Variants in ASAP3 observed in about 807,000 individuals in gnomAD.
ASAP3 encodes ArfGAP with SH3 domain, ankyrin repeat and PH domain 3, also known as arf-GAP with SH3 domain, ANK repeat and PH domain-containing protein 3.
A neutral mutation model predicts 118.2 loss-of-function variants in ASAP3; 85 were observed. The observed-to-expected ratio is 0.72, with a 90% confidence interval of 0.60 to 0.86. The LOEUF is 0.86. Ranked by LOEUF, ASAP3 falls within the 40% of genes least tolerant of loss-of-function variation. The probability of loss-of-function intolerance (pLI) is 0.00; values close to 1 mark genes in which losing one functional copy is unlikely to be tolerated. For synonymous variants in ASAP3, 432 were observed against 477.4 expected, an observed-to-expected ratio of 0.90 and a Z score of 1.24; for missense variants, 1,026 against 1,175.0, an observed-to-expected ratio of 0.87 and a Z score of 1.85.
At chr1:23,442,079 A>G in intron 7 of ASAP3, 107 bp downstream of exon 7, 1 of 1,242,096 alleles carries the variant, frequency 8.1e-7, no homozygotes, top group South Asian at 1.3e-5. Context: ...AGTTCTGCCA[A>G]AAAGATGCAG....
At chr1:23,478,274 G>A (rs1434256472) in intron 1 of ASAP3, among the ~76,000 whole-genome samples, 1 of 152,144 alleles carries the variant, frequency 6.6e-6, no homozygotes, top group African/African-American at 2.4e-5. Flanking sequence ...AGACAAGCCT[G>A]GCCAACATGG....
chr1:23,473,523 C>A (rs975298504), intron 1 of ASAP3, among the ~76,000 whole-genome samples: 1 of 152,186 alleles, frequency 6.6e-6, no homozygotes, highest in Non-Finnish European at 1.5e-5. Context: ...ATCGAAGGGA[C>A]CTTCTAGCAG....
intron 5 of ASAP3, among the ~76,000 whole-genome samples, chr1:23,450,249 A>G (rs1480532725): frequency 6.6e-6 from 1 of 152,184 alleles, no homozygotes; most frequent in Non-Finnish European, 1.5e-5. Context: ...CTGCAAAAAT[A>G]ATTATGAGTA....
chr1:23,450,923 C>T (rs1641194081), intron 5 of ASAP3, among the ~76,000 whole-genome samples: 1 of 152,196 alleles, frequency 6.6e-6, no homozygotes, highest in Non-Finnish European at 1.5e-5. Flanking sequence ...CTTCTTTCCC[C>T]ATGATGTCCC....
intron 23 of ASAP3, 122 bp from the exon 24 acceptor site, chr1:23,431,247 C>T: frequency 1.0e-6 from 1 of 979,710 alleles, no homozygotes; most frequent in South Asian, 1.5e-5. Context: ...GTCCACAAGG[C>T]CCCCAGGCCA....
At chr1:23,478,348 C>T (rs971364948) in intron 1 of ASAP3, among the ~76,000 whole-genome samples, 4 of 152,110 alleles carry the variant, frequency 2.6e-5, no homozygotes, top group African/African-American at 9.7e-5. Context: ...GCCTGTAATC[C>T]CAGCTACTCG....
chr1:23,439,711 T>A (rs1011967972), intron 10 of ASAP3, among the ~76,000 whole-genome samples: 1 of 151,476 alleles, frequency 6.6e-6, no homozygotes, highest in Non-Finnish European at 1.5e-5. Flanking sequence ...TAAATATTCA[T>A]TGGTTTCTTC....
At position 23,442,714 on chromosome 1, in the gene ASAP3, C is replaced by T; in HGVS notation, c.474-102G>A. On this transcript the variant is annotated intron_variant, in intron 5 of 24. Transcript: ENST00000336689. Reference sequence around the variant, plus strand: ...AAGGGGCCACATGGTGCAGGAGGCCCTCCTGTGCCAGCTGTGTGGTGGGGC... The same window carrying T: ...AAGGGGCCACATGGTGCAGGAGGCCTTCCTGTGCCAGCTGTGTGGTGGGGC... 6.0e-6 allele frequency: 9 copies of T among 1,496,882 alleles called. 1 individual carries two copies. The South Asian group carries it at 1.2e-4, about 19-fold the overall frequency. 92.7% of individuals were successfully genotyped at this position (1,496,882 alleles called of 1,614,324 possible).
rs369040889 is a variant in ASAP3 at position 23,433,609 on chromosome 1, C to A, written c.2019+17G>T. 1.9e-6 allele frequency: 3 copies of A among 1,614,212 alleles called. No individual in the cohort carries two copies. The highest frequency in any genetic ancestry group is 2.5e-6 in the Non-Finnish European group (3 of 1,180,024). ...GAGAGAAAGAGTCAGGGGCCCCTTGCCTCCCCGAGTCCTCACCAGCTCCTC... is the reference window on the plus strand; with the variant it reads ...GAGAGAAAGAGTCAGGGGCCCCTTGACTCCCCGAGTCCTCACCAGCTCCTC... On this transcript the variant is annotated intron_variant, in intron 20 of 24. Coordinates refer to ENST00000336689, the MANE Select transcript of ASAP3 (RefSeq NM_017707.4).
chr1:23,474,384 G>A (rs188909213), intron 1 of ASAP3, among the ~76,000 whole-genome samples: 3 of 151,906 alleles, frequency 2.0e-5, no homozygotes, highest in Non-Finnish European at 4.4e-5. Context: ...CCTTCTCCTC[G>A]GAACACTTCT....
intron 24 of ASAP3, among the ~76,000 whole-genome samples, chr1:23,430,763 G>A (rs779030133): frequency 3.3e-5 from 5 of 152,182 alleles, no homozygotes; most frequent in Non-Finnish European, 5.9e-5. Context: ...CATGGAAAGA[G>A]GAGCACCAGG....
In ASAP3 at chr1:23,436,868, T is replaced by A. The variant is rs760664579; in HGVS notation, c.1476+43A>T. 28 of 1,503,048 alleles carry A rather than the reference T, an allele frequency of 1.9e-5. No homozygotes were observed. Among genetic ancestry groups the A allele is most frequent in the Non-Finnish European group, 2.5e-5 (28 of 1,116,738 alleles). 93.1% of individuals were successfully genotyped at this position (1,503,048 alleles called of 1,614,324 possible). ...CCGCCCCCGGATGAAACTACACCCC[T>A]AACTCCGCTTCTGGCCCCTTCCAGG... On this transcript the variant is annotated intron_variant, in intron 15 of 24. Coordinates refer to ENST00000336689, the MANE Select transcript of ASAP3 (RefSeq NM_017707.4). The surrounding 1 kb of genome is among the most constrained non-coding windows in gnomAD (Gnocchi z 4.2).
rs535143098 is a variant in ASAP3 at position 23,479,360 on chromosome 1, G to C, written c.129+4645C>G. ...TCCCAGCCTCCAGTTCCAGGCCCTG[G>C]AGAGGTGTACTTTTACCTCCGGCTC... On this transcript the variant is annotated intron_variant, in intron 1 of 24. Transcript: ENST00000336689. Among the ~76,000 whole-genome samples, 27 of 152,266 alleles carry C rather than the reference G, an allele frequency of 1.8e-4. No homozygotes were observed. The South Asian group carries it at 2.9e-3, about 16-fold the overall frequency.
chr1:23,484,044 C>G lies in ASAP3; in HGVS notation c.90G>C (p.Lys30Asn), dbSNP rs1642406320. 2 of 1,341,658 alleles carry G rather than the reference C, an allele frequency of 1.5e-6. No homozygotes were observed. The highest frequency in any genetic ancestry group is 1.9e-6 in the Non-Finnish European group (2 of 1,048,248). The allele number at this position is 1,341,658 out of a possible 1,614,324, so 83.1% of individuals were successfully genotyped here. The change falls in exon 1 of 25, where the codon AAG (lysine) becomes AAC (asparagine). Residue 30 changes from lysine to asparagine, a missense_variant. Transcript: ENST00000336689. Reference protein sequence around the residue: ...SPAGAAAFAAKMPRYRGAALA... With the variant: ...SPAGAAAFAANMPRYRGAALA... ...GCGCCGCCCCTCGGTACCGGGGCAT[C>G]TTGGCGGCGAAGGCGGCGGCCCCAG...
chr1:23,476,252 A>T (rs1034853841), intron 1 of ASAP3, among the ~76,000 whole-genome samples: 1 of 152,020 alleles, frequency 6.6e-6, no homozygotes, highest in Admixed American at 6.6e-5. Context: ...AGGCTGAGGC[A>T]GGAGAATCGC....
rs1343837442 is a variant in ASAP3 at position 23,433,202 on chromosome 1, T to C, written c.2198A>G (p.Tyr733Cys). ...TGCTCCCAGGCTGGCGACAGTCTCA[T>C]AGGTCTTGTTGCTGATGTCCAGCCT... is the stretch of plus-strand genomic sequence containing the variant. ...SGRLDISNKTYETVASLGAAT... is the reference protein window; with the variant it reads ...SGRLDISNKTCETVASLGAAT... Residue 733 changes from tyrosine (Y) to cysteine (C), a missense_variant, in exon 22 of 25, where the codon TAT becomes TGT. By Grantham distance (194) the Tyr-to-Cys change is radical. Transcript: ENST00000336689. The C allele has an allele frequency of 1.9e-6, 3 of 1,614,022 alleles. No individual in the cohort carries two copies. The highest frequency in any genetic ancestry group is 2.7e-5 in the African/African-American group (2 of 74,940).
chr1:23,468,316 C>T (rs148952913), intron 1 of ASAP3, among the ~76,000 whole-genome samples: 53 of 152,324 alleles, frequency 3.5e-4, no homozygotes, highest in African/African-American at 1.2e-3. Context: ...ACAAATTAGT[C>T]TGACCACATT....
chr1:23,434,746 A>G lies in ASAP3; in HGVS notation c.1750-128T>C, dbSNP rs576460658. 1.2e-4 allele frequency: 103 copies of G among 824,376 alleles called. No homozygotes were observed. The African/African-American group carries it at 1.6e-3, about 13-fold the overall frequency. The allele number at this position is 824,376 out of a possible 1,614,324, so 51.1% of individuals were successfully genotyped here. On this transcript the variant is annotated intron_variant, in intron 17 of 24. Transcript: ENST00000336689. ...AAGCTGCCAGAACCCTGGAGAGATG[A>G]GACTGCAAGGGCAGAGCCTCATGTC...
intron 17 of ASAP3, among the ~76,000 whole-genome samples, chr1:23,434,984 C>T (rs1015385452): frequency 1.3e-5 from 2 of 152,140 alleles, no homozygotes; most frequent in African/African-American, 4.8e-5. Flanking sequence ...CTGCACTGCC[C>T]ATTGGATAGC....
Sources: gnomAD v4.1 joint callset for allele counts (sites outside exome capture counted in the v4.1 genomes callset) on GRCh38, gnomAD v4.1.1 for gene constraint, Gnocchi (gnomAD v3.1) non-coding constraint, MANE v1.5 for transcripts, NCBI Gene and HGNC (gene_info 2026-07-23, HGNC 2026-07-21) for gene names.